Variants in FSIP2 observed in about 807,000 individuals in gnomAD.
FSIP2 encodes the protein fibrous sheath interacting protein 2.
A neutral mutation model predicts 510.5 loss-of-function variants in FSIP2; 367 were observed. That is an observed-to-expected ratio of 0.72 (90% CI 0.66 to 0.78). FSIP2 has a LOEUF of 0.78. Ranked by LOEUF, FSIP2 falls within the 30% of genes least tolerant of loss-of-function variation. The probability of loss-of-function intolerance (pLI) is 0.00; values close to 1 mark genes in which losing one functional copy is unlikely to be tolerated. For missense variants in FSIP2, 7,594 were observed against 7,901.7 expected, an observed-to-expected ratio of 0.96 and a Z score of 1.48; for synonymous variants, 2,601 against 2,732.2, an observed-to-expected ratio of 0.95 and a Z score of 1.50.
At chr2:185,742,904 AG>A (rs2105527683) in intron 2 of FSIP2, among the ~76,000 whole-genome samples, 1 of 152,180 alleles carries the variant, frequency 6.6e-6, no homozygotes, top group African/African-American at 2.4e-5. Context: ...AGAGGATTAG[AG>A]GAGGAACTGA....
At chr2:185,811,453 A>C (rs1167003303) in intron 17 of FSIP2, among the ~76,000 whole-genome samples, 1 of 150,408 alleles carries the variant, frequency 6.6e-6, no homozygotes, top group Non-Finnish European at 1.5e-5. Context: ...TGGGTGACAA[A>C]GCGAGACTCC....
At chr2:185,816,891 AAGAG>A (rs1693836292) in intron 19 of FSIP2, among the ~76,000 whole-genome samples, 1 of 150,676 alleles carries the variant, frequency 6.6e-6, no homozygotes, top group South Asian at 2.1e-4. Context: ...AGACGAAAGA[AAGAG>A]AAAGAAAAGA....
rs553394731 is a variant in FSIP2, at chr2:185,817,109, C to T, written c.20426+1638C>T. 3.9e-5 allele frequency among the ~76,000 whole-genome samples: 6 copies of T among 152,118 alleles called. No homozygotes were observed. The East Asian group carries it at 1.2e-3, about 30-fold the overall frequency. On this transcript the variant is annotated intron_variant, in intron 19 of 22. Transcript: ENST00000424728. ...AAGTTTAACTTGCTCTTGGATCCAA[C>T]TTCCTCCCAGCATAGTATAACACAG...
In FSIP2 at chr2:185,796,171, C is replaced by G; in HGVS notation, c.9035C>G (p.Ser3012Cys). ...SFVDLQFKHISKYEFSEIVKM... is the reference protein window; with the variant it reads ...SFVDLQFKHICKYEFSEIVKM... ...GTGGACTTGCAGTTTAAACATATCTCCAAATATGAGTTTTCTGAAATTGTG... is the reference window on the plus strand; with the variant it reads ...GTGGACTTGCAGTTTAAACATATCTGCAAATATGAGTTTTCTGAAATTGTG... Residue 3012 changes from serine to cysteine, a missense_variant, in exon 16 of 23, where the codon TCC becomes TGC. Coordinates refer to ENST00000424728, the MANE Select transcript of FSIP2 (RefSeq NM_173651.4). 1 of 1,532,858 alleles carries G rather than the reference C, an allele frequency of 6.5e-7. No homozygotes were observed. The highest frequency in any genetic ancestry group is 8.7e-7 in the Non-Finnish European group (1 of 1,144,918). The allele number at this position is 1,532,858 out of a possible 1,614,324, so 95.0% of individuals were successfully genotyped here.
chr2:185,785,075 A>C (rs1206579112), intron 14 of FSIP2, among the ~76,000 whole-genome samples: 1 of 152,042 alleles, frequency 6.6e-6, no homozygotes, highest in East Asian at 1.9e-4. Flanking sequence ...AATACATAGA[A>C]CTCCTTGAGT....
chr2:185,777,758 T>TTAAATTTAATTTAGAAAAATTA (rs1342770782), intron 13 of FSIP2, among the ~76,000 whole-genome samples: 4 of 151,888 alleles, frequency 2.6e-5, no homozygotes, highest in Non-Finnish European at 5.9e-5. Flanking sequence ...AATTTACCAG[T>TTAAATTTAATTTAGAAAAATTA]AGTTTGTTTA....
intron 13 of FSIP2, among the ~76,000 whole-genome samples, chr2:185,776,904 A>G (rs1269705963): frequency 6.6e-6 from 1 of 151,980 alleles, no homozygotes; most frequent in Non-Finnish European, 1.5e-5. Flanking sequence ...TTGTATTTTT[A>G]GTAGAGACCA....
Position 185,807,011 on chromosome 2 carries a change from C to T in FSIP2, c.17705C>T (p.Ser5902Leu). ...CATAAAATGATGAGAAAACCTTCTT[C>T]AGATAAGATACCATCAATTGACAAA... ...PMHKMMRKPS[S>L]DKIPSIDKTL... The change falls in exon 17 of 23, where the codon TCA becomes TTA. Residue 5902 changes from serine (S) to leucine (L), a missense_variant. Physicochemically the swap from Ser to Leu is moderately radical, Grantham distance 145. Transcript: ENST00000424728. The T allele has an allele frequency of 6.2e-7, 1 of 1,601,456 alleles. No individual in the cohort carries two copies. The highest frequency in any genetic ancestry group is 8.5e-7 in the Non-Finnish European group (1 of 1,176,066).
rs1456233696 is a variant in FSIP2 at position 185,756,223 on chromosome 2, A to G, written c.1023A>G (p.Glu341=). 3.8e-6 allele frequency: 5 copies of G among 1,331,448 alleles called. No homozygotes were observed. Among genetic ancestry groups the G allele is most frequent in the East Asian group, 5.1e-5 (2 of 39,594 alleles). The allele number at this position is 1,331,448 out of a possible 1,614,324, so 82.5% of individuals were successfully genotyped here. ...ASPKNKKKTS[E]DIMLVYPAGD... ...CAAAGAATAAAAAGAAGACTTCTGAAGATATAATGTTAGTTTATCCTGCTG... is the reference window on the plus strand; with the variant it reads ...CAAAGAATAAAAAGAAGACTTCTGAGGATATAATGTTAGTTTATCCTGCTG... Residue 341 remains glutamate (E), a synonymous_variant, in exon 9 of 23, where the codon GAA becomes GAG. Transcript: ENST00000424728.
At chr2:185,750,603 G>T (rs1395709599) in intron 7 of FSIP2, among the ~76,000 whole-genome samples, 13 of 136,424 alleles carry the variant, frequency 9.5e-5, no homozygotes, top group African/African-American at 1.3e-4. Flanking sequence ...GCATTTCTCT[G>T]TTTTTTTTTT....
At chr2:185,778,411 T>TTTG (rs1692773205) in intron 13 of FSIP2, among the ~76,000 whole-genome samples, 5 of 152,166 alleles carry the variant, frequency 3.3e-5, no homozygotes, top group Middle Eastern at 3.4e-3. Flanking sequence ...TGTATGAAAA[T>TTTG]ATAAAATGTA....
intron 10 of FSIP2, 37 bp downstream of exon 10, chr2:185,761,140 ATTAAT>A (rs1166620337): frequency 3.6e-6 from 3 of 838,662 alleles, no homozygotes; most frequent in Non-Finnish European, 5.4e-6. Context: ...TGTTGTATTT[ATTAAT>A]TTATCTACTT....
At chr2:185,831,366 C>G (rs1694105430) in intron 21 of FSIP2, among the ~76,000 whole-genome samples, 1 of 151,904 alleles carries the variant, frequency 6.6e-6, no homozygotes, top group Non-Finnish European at 1.5e-5. Flanking sequence ...TCTACAGAGC[C>G]ACTTTATTGC....
Position 185,797,011 on chromosome 2 carries a change from T to G in FSIP2, c.9875T>G (p.Ile3292Arg), listed in dbSNP as rs901235073. The change falls in exon 16 of 23, where the codon ATA becomes AGA. Residue 3292 changes from isoleucine to arginine, a missense_variant. Physicochemically the swap from Ile to Arg is moderately conservative, Grantham distance 97. Coordinates refer to ENST00000424728, the MANE Select transcript of FSIP2 (RefSeq NM_173651.4). The stretch of plus-strand genomic sequence containing the variant: ...GCATTAAAGCAAGTCTTGTCATTCA[T>G]AGAAATGGGAAAAGGTGAAAATCTA... Reference protein sequence around the residue: ...EAALKQVLSFIEMGKGENLRV... With the variant: ...EAALKQVLSFREMGKGENLRV... 2.6e-6 allele frequency: 4 copies of G among 1,535,118 alleles called. No homozygotes were observed. In the African/African-American group the frequency reaches 5.5e-5, roughly 21 times the overall value.
Position 185,797,501 on chromosome 2 carries a change from A to G in FSIP2, c.10365A>G (p.Thr3455=), listed in dbSNP as rs544686664. 4.1e-5 allele frequency: 62 copies of G among 1,500,112 alleles called. No individual in the cohort carries two copies. The African/African-American group carries it at 8.4e-4, about 20-fold the overall frequency. The allele number at this position is 1,500,112 out of a possible 1,614,324, so 92.9% of individuals were successfully genotyped here. ...IARHVTTSVV[T]YLKNFETTVF... is the part of the protein sequence containing the mutation. ...GACATGTCACCACATCTGTGGTCAC[A>G]TATTTGAAGAACTTTGAAACTACAG... Residue 3455 remains threonine, a synonymous_variant, in exon 16 of 23, where the codon ACA becomes ACG. Coordinates refer to ENST00000424728, the MANE Select transcript of FSIP2 (RefSeq NM_173651.4).
intron 8 of FSIP2, among the ~76,000 whole-genome samples, chr2:185,755,276 G>A: frequency 6.6e-6 from 1 of 151,470 alleles, no homozygotes. Context: ...ACCATGCAAA[G>A]CATATACACT....
At position 185,801,794 on chromosome 2, in the gene FSIP2, C is replaced by A. The variant is rs1448920072; in HGVS notation, c.12488C>A (p.Ser4163Tyr). 5 of 1,495,950 alleles carry A rather than the reference C, an allele frequency of 3.3e-6. No individual in the cohort carries two copies. The highest frequency in any genetic ancestry group is 1.4e-5 in the African/African-American group (1 of 70,818). The allele number at this position is 1,495,950 out of a possible 1,614,324, so 92.7% of individuals were successfully genotyped here. A position where few individuals can be genotyped will look rare whatever the true frequency, so the allele number is the denominator to read the frequency against. ...ATTCCTCCACCCATTACATGTTCCTCTTTAGGAAAAAAATATTTAATGAGT... is the reference window on the plus strand; with the variant it reads ...ATTCCTCCACCCATTACATGTTCCTATTTAGGAAAAAAATATTTAATGAGT... ...QLIPPPITCSSLGKKYLMSSD... is the reference protein window; with the variant it reads ...QLIPPPITCSYLGKKYLMSSD... The change falls in exon 17 of 23, where the codon TCT becomes TAT. Residue 4163 changes from serine to tyrosine, a missense_variant. Ser to Tyr is a moderately radical substitution (Grantham distance 144). Coordinates refer to ENST00000424728, the MANE Select transcript of FSIP2 (RefSeq NM_173651.4).
intron 4 of FSIP2, chr2:185,744,770 G>A (rs1356278705): frequency 1.3e-5 from 2 of 153,164 alleles, no homozygotes; most frequent in Admixed American, 1.3e-4. Flanking sequence ...CATAGGAAAA[G>A]AACAATAATT....
Position 185,804,562 on chromosome 2 carries a change from C to T in FSIP2, c.15256C>T (p.Pro5086Ser). Reference sequence around the variant, plus strand: ...ATTAGAGTCTTCTTCTTATTCGTATCCCCAAGCTGATAATATCATCAGAAA... The same window carrying T: ...ATTAGAGTCTTCTTCTTATTCGTATTCCCAAGCTGATAATATCATCAGAAA... The part of the protein sequence containing the change: ...GELESSSYSY[P>S]QADNIIRNVL... Residue 5086 changes from proline to serine, a missense_variant, in exon 17 of 23, where the codon CCC (proline) becomes TCC (serine). Physicochemically the swap from Pro to Ser is moderately conservative, Grantham distance 74. Transcript: ENST00000424728. 6.5e-7 allele frequency: 1 copy of T among 1,530,510 alleles called. No homozygotes were observed. Among genetic ancestry groups the T allele is most frequent in the Admixed American group, 2.0e-5 (1 of 50,318 alleles). The allele number at this position is 1,530,510 out of a possible 1,614,324, so 94.8% of individuals were successfully genotyped here.
Sources: gnomAD v4.1 joint callset for allele counts (sites outside exome capture counted in the v4.1 genomes callset) on GRCh38, gnomAD v4.1.1 for gene constraint, MANE v1.5 for transcripts, NCBI Gene and HGNC (gene_info 2026-07-23, HGNC 2026-07-21) for gene names.